DNA2: variants seen among roughly 807,000 people sequenced by gnomAD.
DNA2 encodes DNA replication helicase/nuclease 2.
In DNA2, 101 loss-of-function variants were observed where a neutral mutation model predicts 119.1. The ratio of observed to expected loss-of-function variants is 0.85; its 90% CI spans 0.72 to 1.00. The LOEUF (loss-of-function observed/expected upper bound fraction) is 1.00. Ranked by LOEUF, DNA2 falls within the 50% of genes least tolerant of loss-of-function variation. The pLI, the probability that DNA2 is intolerant of heterozygous loss-of-function variation, is 0.00. For missense variants in DNA2, 1,121 were observed against 1,255.5 expected, an observed-to-expected ratio of 0.89 and a Z score of 1.62; for synonymous variants, 366 against 424.4, an observed-to-expected ratio of 0.86 and a Z score of 1.69.
At chr10:68,465,130 T>C (rs924322511) in intron 4 of DNA2, among the ~76,000 whole-genome samples, 1 of 151,398 alleles carries the variant, frequency 6.6e-6, no homozygotes, top group Non-Finnish European at 1.5e-5. Flanking sequence ...ACCATTCTCC[T>C]GCCTCAGCCT....
Position 68,459,110 on chromosome 10 carries a change from A to G in DNA2, c.713T>C (p.Leu238Pro), listed in dbSNP as rs770914708. Residue 238 changes from leucine to proline, a missense_variant, in exon 5 of 21, where the codon CTC (leucine) becomes CCC (proline). Leu to Pro is a moderately conservative substitution (Grantham distance 98). Transcript: ENST00000358410. Reference sequence around the variant, plus strand: ...AACAAAATGTGTTTCTTACAGAGAGAGCTGCATCTGAGGGAAGTCAGTCGA... The same window carrying G: ...AACAAAATGTGTTTCTTACAGAGAGGGCTGCATCTGAGGGAAGTCAGTCGA... ...NTSTDFPQMQ[L>P]SLPSDNSKDN... 3 of 1,596,656 alleles carry G rather than the reference A, an allele frequency of 1.9e-6. No homozygotes were observed. The highest frequency in any genetic ancestry group is 2.6e-6 in the Non-Finnish European group (3 of 1,171,396).
chr10:68,423,172 TTTTGTTTG>T (rs143774829), intron 14 of DNA2, among the ~76,000 whole-genome samples: 4 of 151,996 alleles, frequency 2.6e-5, no homozygotes, highest in African/African-American at 7.3e-5. Context: ...TTAGTTCTTT[TTTTGTTTG>T]TTTGTTTGTT....
At chr10:68,432,346 T>C (rs1196688034) in intron 11 of DNA2, 31 bp from the exon 12 acceptor site, 4 of 1,566,320 alleles carry the variant, frequency 2.6e-6, no homozygotes, top group Non-Finnish European at 3.5e-6. Context: ...TTTAGTAATA[T>C]TCCTTAGAAA....
At chr10:68,431,814 A>C in intron 13 of DNA2, 48 bp downstream of exon 13, 1 of 1,258,816 alleles carries the variant, frequency 7.9e-7, no homozygotes, top group Non-Finnish European at 1.1e-6. Context: ...AACTGAGGAG[A>C]AGCTGATACA....
chr10:68,437,474 T>C lies in DNA2; in HGVS notation c.1416-233A>G, dbSNP rs563741206. Among the ~76,000 whole-genome samples, 164 of 140,682 alleles carry C rather than the reference T, an allele frequency of 1.2e-3. 1 individual carries two copies. The highest frequency in any genetic ancestry group is 4.5e-3 in the African/African-American group (161 of 35,542). 92.3% of individuals were successfully genotyped at this position (140,682 alleles called of 152,430 possible). ...AACATGGTGAAAACCCTATCTCTAC[T>C]AAAAAAAAAAAAATAAAAATAAAAA... On this transcript the variant is annotated intron_variant, in intron 9 of 20. Coordinates refer to ENST00000358410, the MANE Select transcript of DNA2 (RefSeq NM_001080449.3).
intron 3 of DNA2, among the ~76,000 whole-genome samples, chr10:68,466,419 TAA>T (rs928027731): frequency 6.6e-6 from 1 of 152,138 alleles, no homozygotes; most frequent in African/African-American, 2.4e-5. Flanking sequence ...CTCATGTAAG[TAA>T]AAGATACCAT....
At chr10:68,440,496 A>T (rs1448499947) in intron 9 of DNA2, among the ~76,000 whole-genome samples, 3 of 151,686 alleles carry the variant, frequency 2.0e-5, no homozygotes, top group Non-Finnish European at 4.4e-5. Context: ...ATGCGGTTTC[A>T]TTGTGTTAGC....
chr10:68,447,850 G>A (rs958351605), intron 6 of DNA2, among the ~76,000 whole-genome samples: 1 of 152,040 alleles, frequency 6.6e-6, no homozygotes, highest in Non-Finnish European at 1.5e-5. Context: ...CGGGCGTGGT[G>A]GTGGGCGCCT....
Position 68,444,903 on chromosome 10 carries a change from T to C in DNA2, c.1220+18A>G, listed in dbSNP as rs1169483673. 1.6e-5 allele frequency: 26 copies of C among 1,603,320 alleles called. No homozygotes were observed. Among genetic ancestry groups the C allele is most frequent in the Non-Finnish European group, 2.2e-5 (26 of 1,171,532 alleles). On this transcript the variant is annotated intron_variant, in intron 8 of 20. Coordinates refer to ENST00000358410, the MANE Select transcript of DNA2 (RefSeq NM_001080449.3). Reference sequence around the variant, plus strand: ...TCATACTCAACTAGAAATAATGCCTTTGGTAGACAATATTTACCTGCTATA... The same window carrying C: ...TCATACTCAACTAGAAATAATGCCTCTGGTAGACAATATTTACCTGCTATA...
At position 68,419,369 on chromosome 10, in the gene DNA2, A is replaced by T. The variant is rs10998150; in HGVS notation, c.2788-156T>A. On this transcript the variant is annotated intron_variant, in intron 18 of 20. Coordinates refer to ENST00000358410, the MANE Select transcript of DNA2 (RefSeq NM_001080449.3). ...GAATACAATTACTGAATTTGCTCTA[A>T]ATCTGTCCATATTTCCCAGGATGAA... is the stretch of plus-strand genomic sequence containing the variant. 31,501 of 611,638 alleles carry T rather than the reference A, an allele frequency of 0.052. 1,207 individuals are homozygous for T. Among genetic ancestry groups the T allele is most frequent in the African/African-American group, 0.15 (8,182 of 53,030 alleles). 37.9% of individuals were successfully genotyped at this position (611,638 alleles called of 1,614,324 possible).
intron 13 of DNA2, among the ~76,000 whole-genome samples, chr10:68,431,010 C>T (rs375883403): frequency 8.4e-4 from 128 of 151,716 alleles, no homozygotes; most frequent in African/African-American, 2.7e-3. Context: ...TGAGGTGGTG[C>T]GCCCCTGTGG....
At chr10:68,429,459 G>A (rs921278295) in intron 14 of DNA2, among the ~76,000 whole-genome samples, 7 of 150,746 alleles carry the variant, frequency 4.6e-5, no homozygotes, top group Admixed American at 6.7e-5. Flanking sequence ...CAGGAGAATC[G>A]CTTGAATCCG....
intron 5 of DNA2, among the ~76,000 whole-genome samples, chr10:68,456,930 C>T (rs10998192): frequency 2.3e-4 from 35 of 151,276 alleles, no homozygotes; most frequent in South Asian, 1.0e-3. Context: ...GTCAGGAGAT[C>T]GAGACCATCC....
intron 5 of DNA2, among the ~76,000 whole-genome samples, chr10:68,452,276 T>A (rs1038695799): frequency 1.3e-5 from 2 of 151,784 alleles, no homozygotes; most frequent in Admixed American, 6.6e-5. Flanking sequence ...AGAGACAGAG[T>A]CTACAAAAGG....
chr10:68,471,568 G>C (rs968317550), intron 1 of DNA2, among the ~76,000 whole-genome samples: 3 of 152,094 alleles, frequency 2.0e-5, no homozygotes, highest in Admixed American at 2.0e-4. Flanking sequence ...GGGAAACAAT[G>C]AACTGCTCGG....
At position 68,431,977 on chromosome 10, in the gene DNA2, T is replaced by A; in HGVS notation, c.1874-6A>T. On this transcript the variant is annotated splice_region_variant and splice_polypyrimidine_tract_variant and intron_variant, in intron 12 of 20. Transcript: ENST00000358410. ...CCTCTGAGGCTTATTCAAACCTACA[T>A]TTAAATTCAAAAATAACAGGAAAAA... 2 of 1,582,500 alleles carry A rather than the reference T, an allele frequency of 1.3e-6. No homozygotes were observed. Among genetic ancestry groups the A allele is most frequent in the Non-Finnish European group, 1.7e-6 (2 of 1,159,158 alleles).
intron 14 of DNA2, among the ~76,000 whole-genome samples, chr10:68,425,696 C>T (rs1043106647): frequency 2.6e-4 from 40 of 151,838 alleles, no homozygotes; most frequent in African/African-American, 9.2e-4. Context: ...ACACCGCGCC[C>T]GGCCATCTCT....
chr10:68,419,944 A>AT, intron 17 of DNA2, 52 bp from the exon 18 acceptor site: 1 of 1,478,112 alleles, frequency 6.8e-7, no homozygotes, highest in Non-Finnish European at 9.5e-7. Context: ...AAAGAGTACT[A>AT]TAAGTACGCA....
At chr10:68,421,351 A>G (rs1371185919) in intron 17 of DNA2, among the ~76,000 whole-genome samples, 2 of 152,132 alleles carry the variant, frequency 1.3e-5, no homozygotes, top group Non-Finnish European at 2.9e-5. Context: ...TAGGAAATAG[A>G]ATTATACCCC....
Sources: allele counts gnomAD v4.1 joint callset (sites outside exome capture counted in the v4.1 genomes callset), GRCh38; gene constraint gnomAD v4.1.1; transcripts MANE v1.5; gene names NCBI Gene and HGNC (gene_info 2026-07-23, HGNC 2026-07-21).